Variants in KDM3B observed in about 807,000 individuals in gnomAD.
KDM3B encodes the protein lysine-specific demethylase 3B.
KDM3B carries 10 observed loss-of-function variants against 170.0 expected under a neutral mutation model. The ratio of observed to expected loss-of-function variants is 0.06; its 90% CI spans 0.04 to 0.10. The LOEUF (loss-of-function observed/expected upper bound fraction) is 0.10, where lower values mean the gene tolerates loss of function less well. Ranked by LOEUF, KDM3B falls within the 10% of genes least tolerant of loss-of-function variation. The pLI, the probability that KDM3B is intolerant of heterozygous loss-of-function variation, is 1.00. For missense variants in KDM3B, 1,394 were observed against 2,195.2 expected, an observed-to-expected ratio of 0.64 and a Z score of 7.29; for synonymous variants, 831 against 834.8, an observed-to-expected ratio of 1.00 and a Z score of 0.08.
intron 3 of KDM3B, 142 bp from the exon 4 acceptor site, chr5:138,377,578 C>T (rs554803499): frequency 1.5e-4 from 86 of 574,618 alleles, no homozygotes; most frequent in Middle Eastern, 4.3e-4. Flanking sequence ...ATGATCACCA[C>T]GCCTAGCCTG....
rs566712113 is a variant in KDM3B at position 138,405,526 on chromosome 5, G to A, written c.3199+5514G>A. 7.9e-4 allele frequency among the ~76,000 whole-genome samples: 120 copies of A among 151,846 alleles called. 1 individual carries two copies. The highest frequency in any genetic ancestry group is 2.7e-3 in the African/African-American group (111 of 41,446). ...GTCTTACAAAAGAAAAAAAAAACGAGTGACCATTCTAGCAGCTTTTCTCAA... is the reference window on the plus strand; with the variant it reads ...GTCTTACAAAAGAAAAAAAAAACGAATGACCATTCTAGCAGCTTTTCTCAA... On this transcript the variant is annotated intron_variant, in intron 11 of 23. Coordinates refer to ENST00000314358, the MANE Select transcript of KDM3B (RefSeq NM_016604.4).
chr5:138,405,285 C>A (rs1762788199), intron 11 of KDM3B, among the ~76,000 whole-genome samples: 1 of 152,076 alleles, frequency 6.6e-6, no homozygotes, highest in Non-Finnish European at 1.5e-5. Flanking sequence ...TCGTGATCCA[C>A]CCGCCCCAGC....
intron 1 of KDM3B, among the ~76,000 whole-genome samples, chr5:138,362,046 G>T (rs1225785613): frequency 6.6e-6 from 1 of 152,100 alleles, no homozygotes; most frequent in African/African-American, 2.4e-5. Context: ...TAGGCCGGGC[G>T]CTGTGGCTCA....
intron 11 of KDM3B, among the ~76,000 whole-genome samples, chr5:138,412,197 G>A (rs980277196): frequency 2.0e-5 from 3 of 151,222 alleles, no homozygotes; most frequent in Non-Finnish European, 3.0e-5. Context: ...TTAGCTGGGC[G>A]TGGTGGCGGG....
At chr5:138,379,754 A>T in intron 5 of KDM3B, 46 bp downstream of exon 5, 1 of 1,565,952 alleles carries the variant, frequency 6.4e-7, no homozygotes, top group Non-Finnish European at 8.7e-7. Flanking sequence ...ATCCCCTTAA[A>T]GAGGATGGTT....
Position 138,392,274 on chromosome 5 carries a change from G to A in KDM3B, c.2629+13G>A, listed in dbSNP as rs1317969356. On this transcript the variant is annotated intron_variant, in intron 8 of 23. Transcript: ENST00000314358. ...GCCCCCCTGAAAGGTGATCCTGCTG[G>A]GGCTATATTTGGGCTTTGCTCTGGC... 1.4e-6 allele frequency: 2 copies of A among 1,476,424 alleles called. No individual in the cohort carries two copies. The highest frequency in any genetic ancestry group is 1.8e-6 in the Non-Finnish European group (2 of 1,111,002). 91.5% of individuals were successfully genotyped at this position (1,476,424 alleles called of 1,614,324 possible). A position where few individuals can be genotyped will look rare whatever the true frequency, so the allele number is the denominator to read the frequency against.
At position 138,391,718 on chromosome 5, in the gene KDM3B, A is replaced by T. The variant is rs1337898191; in HGVS notation, c.2086A>T (p.Thr696Ser). 1.2e-6 allele frequency: 2 copies of T among 1,613,904 alleles called. No individual in the cohort carries two copies. The highest frequency in any genetic ancestry group is 1.7e-6 in the Non-Finnish European group (2 of 1,180,034). Residue 696 changes from threonine to serine, a missense_variant, in exon 8 of 24, where the codon ACT becomes TCT. This residue lies in a region of KDM3B where 294 missense variants were observed against 311.7 expected (regional missense o/e 0.94). Transcript: ENST00000314358. This position sits in a 1 kb window ranked among gnomAD's most constrained non-coding sequence, Gnocchi z 5.0. Reference sequence around the variant, plus strand: ...AAAGAAGAAACCCCTCTTCATTACAACTGACTCCTCCAAGCTAGTATCTGG... The same window carrying T: ...AAAGAAGAAACCCCTCTTCATTACATCTGACTCCTCCAAGCTAGTATCTGG... ...LAKKKPLFIT[T>S]DSSKLVSGVL...
chr5:138,431,765 TAGC>T (rs1235023199), intron 23 of KDM3B, among the ~76,000 whole-genome samples: 1 of 152,096 alleles, frequency 6.6e-6, no homozygotes, highest in Admixed American at 6.6e-5. Flanking sequence ...TTACAAAAAT[TAGC>T]AGGGCATGAT....
intron 11 of KDM3B, among the ~76,000 whole-genome samples, chr5:138,402,172 C>T (rs796384773): frequency 7.2e-5 from 11 of 152,238 alleles, no homozygotes; most frequent in African/African-American, 2.6e-4. Flanking sequence ...GATCCTCCTG[C>T]CTTGGCCTCC....
chr5:138,363,369 T>G (rs1761662768), intron 1 of KDM3B, among the ~76,000 whole-genome samples: 3 of 152,172 alleles, frequency 2.0e-5, no homozygotes, highest in Admixed American at 2.0e-4. Flanking sequence ...GGACTCACTG[T>G]TAATTTTTTC....
intron 3 of KDM3B, 97 bp downstream of exon 3, chr5:138,375,303 G>C (rs1761969314): frequency 1.8e-6 from 1 of 563,960 alleles, no homozygotes; most frequent in Non-Finnish European, 3.2e-6. Context: ...TACTGGGTGG[G>C]AACATATTAG....
intron 7 of KDM3B, among the ~76,000 whole-genome samples, chr5:138,387,878 A>G (rs181791270): frequency 0.016 from 2,500 of 151,802 alleles, 27 homozygotes; most frequent in African/African-American, 0.037. Context: ...TCAGGAGATC[A>G]AGACCATCCT....
At chr5:138,377,513 C>T (rs1423074629) in intron 3 of KDM3B, among the ~76,000 whole-genome samples, 1 of 152,160 alleles carries the variant, frequency 6.6e-6, no homozygotes, top group South Asian at 2.1e-4. Flanking sequence ...GCCTCAAACT[C>T]CTGGGTTCAA....
At chr5:138,408,823 CTAAAT>C (rs1762890599) in intron 11 of KDM3B, among the ~76,000 whole-genome samples, 1 of 152,158 alleles carries the variant, frequency 6.6e-6, no homozygotes, top group Non-Finnish European at 1.5e-5. Flanking sequence ...AATCATTTGT[CTAAAT>C]TATCAAAAAC....
At chr5:138,382,451 C>CA (rs918018374) in intron 6 of KDM3B, among the ~76,000 whole-genome samples, 44 of 147,494 alleles carry the variant, frequency 3.0e-4, no homozygotes, top group Admixed American at 8.1e-4. Flanking sequence ...GACTCCGTCT[C>CA]AAAAAAAAAA....
intron 1 of KDM3B, among the ~76,000 whole-genome samples, chr5:138,362,586 A>ACAC (rs774620962): frequency 1.2e-5 from 1 of 80,620 alleles, no homozygotes; most frequent in African/African-American, 3.4e-5. Context: ...ACACACACAC[A>ACAC]AAATATCTTA....
chr5:138,363,631 C>T (rs1398340976), intron 1 of KDM3B, among the ~76,000 whole-genome samples: 1 of 152,170 alleles, frequency 6.6e-6, no homozygotes, highest in African/African-American at 2.4e-5. Context: ...ACTGCATCCT[C>T]CGCATCCCAG....
Position 138,393,375 on chromosome 5 carries a change from A to T in KDM3B, c.2831+3A>T. ...TGCCGTTTCTTTCACTTCCGGAGGT[A>T]CCCAAACTCCTGTTTTCCTCCTTTG... On this transcript the variant is annotated splice_donor_region_variant and intron_variant, in intron 9 of 23. Coordinates refer to ENST00000314358, the MANE Select transcript of KDM3B (RefSeq NM_016604.4). The T allele has an allele frequency of 1.2e-6, 2 of 1,612,234 alleles. No homozygotes were observed. The highest frequency in any genetic ancestry group is 1.7e-6 in the Non-Finnish European group (2 of 1,178,892).
At chr5:138,364,306 C>G (rs1014313958) in intron 1 of KDM3B, among the ~76,000 whole-genome samples, 1 of 152,050 alleles carries the variant, frequency 6.6e-6, no homozygotes, top group South Asian at 2.1e-4. Flanking sequence ...ACAGGTAATT[C>G]ATGTGTTGCT....
Sources: gnomAD v4.1 joint callset for allele counts (sites outside exome capture counted in the v4.1 genomes callset) on GRCh38, gnomAD v4.1.1 for gene constraint, gnomAD v4.1.1 regional missense constraint, Gnocchi (gnomAD v3.1) non-coding constraint, MANE v1.5 for transcripts, NCBI Gene and HGNC (gene_info 2026-07-23, HGNC 2026-07-21) for gene names.